Variants in FKBP5 observed in about 807,000 individuals in gnomAD.
FKBP5 encodes peptidyl-prolyl cis-trans isomerase FKBP5.
Under a neutral mutation model 50.5 loss-of-function variants are expected in FKBP5, and 23 were observed. The ratio of observed to expected loss-of-function variants is 0.46; its 90% CI spans 0.33 to 0.65. The LOEUF is 0.65. FKBP5 is among the 30% of genes least tolerant of loss of function. The pLI, the probability that FKBP5 is intolerant of heterozygous loss-of-function variation, is 0.02. For missense variants in FKBP5, 411 were observed against 553.1 expected (o/e 0.74, Z 2.58); for synonymous variants, 176 against 190.6 (o/e 0.92, Z 0.63).
chr6:35,718,838 T>C (rs1766557442), intron 2 of FKBP5, among the ~76,000 whole-genome samples: 1 of 152,170 alleles, frequency 6.6e-6, no homozygotes, highest in South Asian at 2.1e-4. Context: ...GTTCCAAACC[T>C]TGAAGAGGAA....
intron 2 of FKBP5, among the ~76,000 whole-genome samples, chr6:35,704,373 C>T (rs1389693654): frequency 1.3e-5 from 2 of 152,308 alleles, no homozygotes; most frequent in East Asian, 3.9e-4. Context: ...TGCTGAACTC[C>T]ACTGTGGCAC....
intron 1 of FKBP5, among the ~76,000 whole-genome samples, chr6:35,686,844 T>C (rs1414288255): frequency 2.0e-5 from 3 of 152,190 alleles, no homozygotes; most frequent in African/African-American, 7.2e-5. Context: ...TTTGAACTGA[T>C]TAAAAATATG....
At chr6:35,589,122 A>T (rs984671575) in intron 7 of FKBP5, among the ~76,000 whole-genome samples, 3 of 126,638 alleles carry the variant, frequency 2.4e-5, no homozygotes, top group African/African-American at 9.5e-5. Flanking sequence ...ATATATATAT[A>T]TATATATTTT....
chr6:35,591,059 A>C (rs928602067), intron 7 of FKBP5, 71 bp downstream of exon 7: 29 of 1,001,850 alleles, frequency 2.9e-5, no homozygotes, highest in Admixed American at 6.1e-5. Flanking sequence ...TACTAAGATA[A>C]GATACTGATT....
At chr6:35,611,282 TC>T (rs1190292877) in intron 5 of FKBP5, among the ~76,000 whole-genome samples, 2 of 152,328 alleles carry the variant, frequency 1.3e-5, no homozygotes, top group East Asian at 3.9e-4. Flanking sequence ...ATCTATCATT[TC>T]AGTGAGATTT....
intron 7 of FKBP5, among the ~76,000 whole-genome samples, chr6:35,590,591 A>AT (rs1383530086): frequency 2.6e-5 from 4 of 152,002 alleles, no homozygotes; most frequent in Non-Finnish European, 4.4e-5. Context: ...TTGGAGAAGT[A>AT]TAAAAAAAAA....
intron 9 of FKBP5, 105 bp downstream of exon 9, chr6:35,579,931 C>A: frequency 1.0e-5 from 9 of 867,024 alleles, no homozygotes; most frequent in South Asian, 2.0e-5. Context: ...TAAAAAAAAG[C>A]AAAATGAAAA....
At position 35,575,906 on chromosome 6, in the gene FKBP5, C is replaced by T. The variant is rs1174935315; in HGVS notation, c.1303G>A (p.Glu435Lys). 5.0e-6 allele frequency: 8 copies of T among 1,613,864 alleles called. No individual in the cohort carries two copies. The highest frequency in any genetic ancestry group is 8.5e-7 in the Non-Finnish European group (1 of 1,179,876). Reference sequence around the variant, plus strand: ...GTTCCTTTTTCATTAGTGACCCCTTCTGAAGTCTTCTTGCCCATTGCTTTA... The same window carrying T: ...GTTCCTTTTTCATTAGTGACCCCTTTTGAAGTCTTCTTGCCCATTGCTTTA... ...ANKAMGKKTS[E>K]GVTNEKGTDS... is the part of the protein sequence containing the mutation. Residue 435 changes from glutamate (E) to lysine (K), a missense_variant, in exon 11 of 11, where the codon GAA becomes AAA. Around this residue, in one of 3 missense-constraint regions of FKBP5, gnomAD observed 88 missense variants for 89.0 expected, o/e 0.99. Transcript: ENST00000357266.
At chr6:35,596,737 T>G (rs1481881128) in intron 6 of FKBP5, among the ~76,000 whole-genome samples, 1 of 152,208 alleles carries the variant, frequency 6.6e-6, no homozygotes, top group African/African-American at 2.4e-5. Flanking sequence ...GATATCCTTA[T>G]GATGGGAAAA....
chr6:35,704,649 T>C (rs1230237310), intron 2 of FKBP5, among the ~76,000 whole-genome samples: 2 of 152,156 alleles, frequency 1.3e-5, no homozygotes, highest in Admixed American at 6.5e-5. Context: ...TTATAAATTG[T>C]ATATTTTTGT....
intron 2 of FKBP5, among the ~76,000 whole-genome samples, chr6:35,703,337 G>A (rs1450403398): frequency 2.0e-5 from 3 of 152,000 alleles, no homozygotes; most frequent in East Asian, 1.9e-4. Context: ...ACTTGAACCC[G>A]GGAGGCGGAG....
chr6:35,713,850 G>A (rs1766461311), intron 2 of FKBP5, among the ~76,000 whole-genome samples: 1 of 152,028 alleles, frequency 6.6e-6, no homozygotes, highest in Non-Finnish European at 1.5e-5. Context: ...CTAAGCCTTG[G>A]GGTCCAAATA....
intron 3 of FKBP5, among the ~76,000 whole-genome samples, chr6:35,624,388 G>A (rs916033620): frequency 1.1e-4 from 17 of 152,264 alleles, no homozygotes; most frequent in Admixed American, 5.2e-4. Flanking sequence ...TGTAATCCCA[G>A]CTACTTGGGA....
chr6:35,644,055 ATC>A lies in FKBP5; in HGVS notation c.-19-1214_-19-1213del, dbSNP rs1306273152. Among the ~76,000 whole-genome samples the A allele has an allele frequency of 1.9e-4, 29 of 152,254 alleles. 1 individual carries two copies. Among genetic ancestry groups the A allele is most frequent in the Non-Finnish European group, 4.0e-4 (27 of 68,040 alleles). On this transcript the variant is annotated intron_variant, in intron 1 of 10. Coordinates refer to ENST00000357266, the MANE Select transcript of FKBP5 (RefSeq NM_004117.4). ...TTACCTATGTGATTAGAATAAAAAT[ATC>A]TGTTTTCACAGATAATCTTCTGAAG... is the stretch of plus-strand genomic sequence containing the variant.
At chr6:35,718,731 A>G (rs1334999751) in intron 2 of FKBP5, among the ~76,000 whole-genome samples, 1 of 152,236 alleles carries the variant, frequency 6.6e-6, no homozygotes, top group Non-Finnish European at 1.5e-5. Flanking sequence ...GAATGAAGAA[A>G]GGAAGGAAAG....
chr6:35,641,171 A>AG (rs890109248), intron 2 of FKBP5, among the ~76,000 whole-genome samples: 5 of 151,942 alleles, frequency 3.3e-5, no homozygotes, highest in African/African-American at 9.7e-5. Context: ...TTCTACAGAT[A>AG]GGGGTCTTAC....
At chr6:35,597,693 G>A (rs545019275) in intron 5 of FKBP5, among the ~76,000 whole-genome samples, 4 of 152,176 alleles carry the variant, frequency 2.6e-5, no homozygotes, top group Non-Finnish European at 5.9e-5. Flanking sequence ...CTATGTGACA[G>A]AAGTTTCCTC....
chr6:35,680,869 G>A (rs1004696255), intron 1 of FKBP5, among the ~76,000 whole-genome samples: 1 of 152,196 alleles, frequency 6.6e-6, no homozygotes, highest in Non-Finnish European at 1.5e-5. Context: ...TTCCCAGAAA[G>A]CTATTGCTAG....
At chr6:35,620,052 C>A in intron 4 of FKBP5, 80 bp downstream of exon 4, 5 of 1,549,094 alleles carry the variant, frequency 3.2e-6, no homozygotes, top group Non-Finnish European at 1.8e-6. Context: ...AGCTTAGCTC[C>A]TTTTCCCACT....
Sources: gnomAD v4.1 joint callset for allele counts (sites outside exome capture counted in the v4.1 genomes callset) on GRCh38, gnomAD v4.1.1 for gene constraint, gnomAD v4.1.1 regional missense constraint, MANE v1.5 for transcripts, NCBI Gene and HGNC (gene_info 2026-07-23, HGNC 2026-07-21) for gene names.